The following USH2A variants were observed in gnomAD, a reference collection of about 807,000 sequenced individuals.
USH2A encodes the protein Usher syndrome 2A (autosomal recessive, mild).
Under a neutral mutation model 538.9 loss-of-function variants are expected in USH2A, and 443 were observed. The observed-to-expected ratio is 0.82, with a 90% CI of 0.76 to 0.89. USH2A has a LOEUF of 0.89. Ranked by LOEUF, USH2A falls within the 40% of genes least tolerant of loss-of-function variation. The pLI is 0.00. For synonymous variants in USH2A, 2,413 were observed against 2,273.5 expected, an observed-to-expected ratio of 1.06 and a Z score of -1.75; for missense variants, 6,633 against 6,324.8, an observed-to-expected ratio of 1.05 and a Z score of -1.65.
At chr1:216,341,444 C>T (rs1466630020) in intron 4 of USH2A, among the ~76,000 whole-genome samples, 2 of 152,054 alleles carry the variant, frequency 1.3e-5, no homozygotes, top group African/African-American at 2.4e-5. Context: ...AGATTCAGTC[C>T]TATTCCCATC....
chr1:216,240,067 T>C (rs989751719), intron 13 of USH2A, among the ~76,000 whole-genome samples: 10 of 145,406 alleles, frequency 6.9e-5, no homozygotes, highest in Non-Finnish European at 1.5e-4. Context: ...CAATTATAGA[T>C]ACCTATAAGA....
intron 11 of USH2A, among the ~76,000 whole-genome samples, chr1:216,267,761 G>A (rs1320796825): frequency 6.6e-6 from 1 of 152,004 alleles, no homozygotes; most frequent in Non-Finnish European, 1.5e-5. Flanking sequence ...GAATTATTAT[G>A]TCTTGTCTGA....
intron 64 of USH2A, among the ~76,000 whole-genome samples, chr1:215,661,756 C>T (rs893054725): frequency 1.3e-5 from 2 of 152,064 alleles, no homozygotes; most frequent in Non-Finnish European, 2.9e-5. Flanking sequence ...TGATTTTAGT[C>T]AAGTACCTCT....
intron 2 of USH2A, among the ~76,000 whole-genome samples, chr1:216,421,432 T>A (rs965716118): frequency 2.0e-5 from 3 of 152,154 alleles, no homozygotes; most frequent in African/African-American, 7.2e-5. Flanking sequence ...CTGGGAGAAC[T>A]ATCTGCCTAA....
At chr1:215,925,318 T>G (rs1421584842) in intron 38 of USH2A, among the ~76,000 whole-genome samples, 2 of 152,184 alleles carry the variant, frequency 1.3e-5, no homozygotes, top group African/African-American at 2.4e-5. Flanking sequence ...AGCACACTAT[T>G]TATTTTATTA....
chr1:216,401,175 C>A (rs1052833959), intron 3 of USH2A, among the ~76,000 whole-genome samples: 1 of 151,914 alleles, frequency 6.6e-6, no homozygotes, highest in Non-Finnish European at 1.5e-5. Context: ...GAGTAAAGGA[C>A]CTAAGTGGAA....
intron 11 of USH2A, among the ~76,000 whole-genome samples, chr1:216,285,707 G>A (rs2036869807): frequency 6.6e-6 from 1 of 152,236 alleles, no homozygotes; most frequent in South Asian, 2.1e-4. Context: ...GGAGCCAGAA[G>A]GAGGGCTGTA....
intron 11 of USH2A, among the ~76,000 whole-genome samples, chr1:216,277,909 G>A (rs1000417650): frequency 6.6e-6 from 1 of 152,090 alleles, no homozygotes; most frequent in African/African-American, 2.4e-5. Context: ...GATCCAACAA[G>A]GAGGTAGGAA....
intron 11 of USH2A, among the ~76,000 whole-genome samples, chr1:216,276,429 C>G (rs2036671239): frequency 6.6e-6 from 1 of 152,112 alleles, no homozygotes; most frequent in Non-Finnish European, 1.5e-5. Flanking sequence ...GAAGCTGAGA[C>G]AACGTCCAGT....
chr1:216,139,563 G>GA (rs1161433133), intron 21 of USH2A, among the ~76,000 whole-genome samples: 1 of 152,100 alleles, frequency 6.6e-6, no homozygotes, highest in Non-Finnish European at 1.5e-5. Flanking sequence ...TTATCACCTG[G>GA]AAAATAGACA....
At chr1:215,696,028 C>T (rs1263748301) in intron 61 of USH2A, among the ~76,000 whole-genome samples, 1 of 152,020 alleles carries the variant, frequency 6.6e-6, no homozygotes, top group Non-Finnish European at 1.5e-5. Flanking sequence ...GGATTACAGG[C>T]ATGACCCACT....
intron 23 of USH2A, 160 bp from the exon 24 acceptor site, chr1:216,086,980 A>C: frequency 1.6e-6 from 1 of 630,956 alleles, no homozygotes; most frequent in Admixed American, 2.2e-5. Context: ...GCTCTTCCTC[A>C]ACATCCCAGC....
intron 61 of USH2A, among the ~76,000 whole-genome samples, chr1:215,703,997 G>T (rs976099905): frequency 6.6e-6 from 1 of 152,228 alleles, no homozygotes; most frequent in Admixed American, 6.5e-5. Flanking sequence ...TGTAGGAAAA[G>T]TGTAGTATCT....
At chr1:216,181,056 A>G (rs1274886261) in intron 20 of USH2A, among the ~76,000 whole-genome samples, 3 of 152,096 alleles carry the variant, frequency 2.0e-5, no homozygotes, top group Non-Finnish European at 2.9e-5. Context: ...CTATTATCTG[A>G]CCAGGGAAGA....
At chr1:216,103,598 T>C (rs2032645578) in intron 21 of USH2A, among the ~76,000 whole-genome samples, 1 of 152,162 alleles carries the variant, frequency 6.6e-6, no homozygotes, top group Non-Finnish European at 1.5e-5. Flanking sequence ...GTCCCTAGTA[T>C]GAATGAAAAA....
chr1:216,250,407 T>C (rs140141269), intron 12 of USH2A, among the ~76,000 whole-genome samples: 113 of 152,260 alleles, frequency 7.4e-4, no homozygotes, highest in African/African-American at 2.7e-3. Flanking sequence ...TGTTGACTTA[T>C]TTTGCATTTC....
At chr1:215,837,463 T>C (rs1307300223) in intron 47 of USH2A, among the ~76,000 whole-genome samples, 1 of 152,146 alleles carries the variant, frequency 6.6e-6, no homozygotes, top group Non-Finnish European at 1.5e-5. Context: ...TTATGAATTA[T>C]AAAGAGACTC....
chr1:215,759,895 T>A, intron 56 of USH2A, 52 bp from the exon 57 acceptor site: 10 of 1,608,192 alleles, frequency 6.2e-6, no homozygotes, highest in Non-Finnish European at 8.5e-6. Flanking sequence ...ATAAACAGTG[T>A]ATCAAAAGTC....
chr1:215,940,879 A>G (rs1666614721), intron 37 of USH2A, among the ~76,000 whole-genome samples: 1 of 152,128 alleles, frequency 6.6e-6, no homozygotes, highest in Admixed American at 6.6e-5. Context: ...TTATCAACTC[A>G]CCAAAAGATG....
Sources: allele counts gnomAD v4.1 joint callset (sites outside exome capture counted in the v4.1 genomes callset), GRCh38; gene constraint gnomAD v4.1.1; transcripts MANE v1.5; gene names NCBI Gene and HGNC (gene_info 2026-07-23, HGNC 2026-07-21).